Variants in ATE1 observed in about 807,000 individuals in gnomAD.
The protein encoded by ATE1 is arginyltransferase 1, also known as arginyl-tRNA--protein transferase 1.
A neutral mutation model predicts 70.5 loss-of-function variants in ATE1; 36 were observed. That is an observed-to-expected ratio of 0.51 (90% CI 0.39 to 0.67). The LOEUF (loss-of-function observed/expected upper bound fraction) is 0.67, where lower values mean the gene tolerates loss of function less well. ATE1 is among the 30% of genes least tolerant of loss of function. The pLI is 0.00. For missense variants in ATE1, 593 were observed against 629.5 expected, an observed-to-expected ratio of 0.94 and a Z score of 0.62; for synonymous variants, 232 against 219.3, an observed-to-expected ratio of 1.06 and a Z score of -0.51.
At chr10:121,896,334 G>A (rs938002130) in intron 7 of ATE1, among the ~76,000 whole-genome samples, 5 of 152,190 alleles carry the variant, frequency 3.3e-5, no homozygotes, top group African/African-American at 1.2e-4. Context: ...AAAATGATAT[G>A]TCTGAGATTT....
intron 8 of ATE1, among the ~76,000 whole-genome samples, chr10:121,868,137 T>TA (rs776213584): frequency 1.9e-4 from 29 of 151,622 alleles, no homozygotes; most frequent in East Asian, 1.5e-3. Flanking sequence ...CTTGATAGGT[T>TA]AAAAAAAAAT....
chr10:121,766,121 T>C lies in ATE1; in HGVS notation c.1379-22263A>G, dbSNP rs561421363. On this transcript the variant is annotated intron_variant, in intron 11 of 11. Transcript: ENST00000224652. ...CTGGAAGTTATTATAGTAAGCAGTA[T>C]TAGAAGGATACAAATAAGCCTTTTG... Among the ~76,000 whole-genome samples the C allele has an allele frequency of 9.2e-5, 14 of 152,350 alleles. No homozygotes were observed. The East Asian group carries it at 2.5e-3, about 27-fold the overall frequency.
At chr10:121,898,175 A>G (rs1950849454) in intron 7 of ATE1, among the ~76,000 whole-genome samples, 2 of 152,008 alleles carry the variant, frequency 1.3e-5, no homozygotes, top group Non-Finnish European at 2.9e-5. Context: ...ACCCTCAATA[A>G]ACGCCCGTTA....
At position 121,864,051 on chromosome 10, in the gene ATE1, G is replaced by T. The variant is rs138414950; in HGVS notation, c.975+5955C>A. Among the ~76,000 whole-genome samples, 8 of 152,256 alleles carry T rather than the reference G, an allele frequency of 5.3e-5. No individual in the cohort carries two copies. The East Asian group carries it at 1.5e-3, about 29-fold the overall frequency. ...ACTTTTAATTGGAATGTTCCAATCT[G>T]CCCTAATAGTATAGTCACTAGCCAC... is the stretch of plus-strand genomic sequence containing the variant. On this transcript the variant is annotated intron_variant, in intron 8 of 11. Coordinates refer to ENST00000224652, the MANE Select transcript of ATE1 (RefSeq NM_001001976.3).
chr10:121,817,978 C>T (rs1425086318), intron 10 of ATE1, among the ~76,000 whole-genome samples: 13 of 151,984 alleles, frequency 8.6e-5, no homozygotes, highest in African/African-American at 3.1e-4. Context: ...TAATTTGATT[C>T]TTGATGAAAG....
At chr10:121,874,748 G>A (rs1949977223) in intron 7 of ATE1, among the ~76,000 whole-genome samples, 1 of 152,190 alleles carries the variant, frequency 6.6e-6, no homozygotes, top group Non-Finnish European at 1.5e-5. Context: ...GTTCACACCT[G>A]TAATCCCAGC....
chr10:121,911,057 A>G lies in ATE1; in HGVS notation c.432T>C (p.Ser144=), dbSNP rs1486642816. Reference sequence around the variant, plus strand: ...TCTCTAAACTCTCTTTGATGTCATCACTGAGTGTTTTAAGATCACACTGTA... The same window carrying G: ...TCTCTAAACTCTCTTTGATGTCATCGCTGAGTGTTTTAAGATCACACTGTA... ...LDIQCDLKTL[S]DDIKESLESE... The change falls in exon 5 of 12, where the codon AGT becomes AGC. Residue 144 remains serine, a synonymous_variant. Coordinates refer to ENST00000224652, the MANE Select transcript of ATE1 (RefSeq NM_001001976.3). 6.2e-7 allele frequency: 1 copy of G among 1,613,528 alleles called. No individual in the cohort carries two copies. Among genetic ancestry groups the G allele is most frequent in the Admixed American group, 1.7e-5 (1 of 59,826 alleles).
intron 7 of ATE1, among the ~76,000 whole-genome samples, chr10:121,892,539 C>T (rs774880489): frequency 6.9e-6 from 1 of 144,684 alleles, no homozygotes; most frequent in Non-Finnish European, 1.5e-5. Context: ...TCCCTCTTGT[C>T]GCCCTCGCCA....
chr10:121,834,393 A>G (rs1948358102), intron 10 of ATE1, among the ~76,000 whole-genome samples: 1 of 152,198 alleles, frequency 6.6e-6, no homozygotes, highest in Non-Finnish European at 1.5e-5. Context: ...AAAGTAAACC[A>G]GAAGGCAAGC....
chr10:121,842,413 T>A, intron 8 of ATE1, among the ~76,000 whole-genome samples: 1 of 152,100 alleles, frequency 6.6e-6, no homozygotes, highest in Non-Finnish European at 1.5e-5. Context: ...ATACTACTTG[T>A]ACATCATTTT....
chr10:121,908,739 C>T lies in ATE1; in HGVS notation c.583+2167G>A, dbSNP rs577535090. On this transcript the variant is annotated intron_variant, in intron 5 of 11. Transcript: ENST00000224652. ...TCTAACACCCATGAAGTGATCTTGC[C>T]CATCCTCAAATAATTCAAACTCAAA... Among the ~76,000 whole-genome samples, 147 of 152,214 alleles carry T rather than the reference C, an allele frequency of 9.7e-4. 1 individual carries two copies. In the South Asian group the frequency reaches 0.012, roughly 12 times the overall value.
intron 7 of ATE1, among the ~76,000 whole-genome samples, chr10:121,890,022 G>A (rs1950527627): frequency 1.3e-5 from 2 of 152,166 alleles, no homozygotes; most frequent in South Asian, 4.1e-4. Context: ...GAAAGATAAA[G>A]TAAACCTAAC....
At chr10:121,813,021 G>C (rs1242379836) in intron 10 of ATE1, among the ~76,000 whole-genome samples, 1 of 152,126 alleles carries the variant, frequency 6.6e-6, no homozygotes, top group East Asian at 1.9e-4. Flanking sequence ...AAAATTCTCA[G>C]GGAAGAAAAC....
Position 121,790,906 on chromosome 10 carries a change from C to G in ATE1, c.1258-617G>C, listed in dbSNP as rs571449693. On this transcript the variant is annotated intron_variant, in intron 10 of 11. Coordinates refer to ENST00000224652, the MANE Select transcript of ATE1 (RefSeq NM_001001976.3). ...AATCCACTGAACTTTCTTCAAAAAT[C>G]CCACTTAAAATTCCATTTAAAAATT... 2.6e-5 allele frequency among the ~76,000 whole-genome samples: 4 copies of G among 151,692 alleles called. No individual in the cohort carries two copies. The South Asian group carries it at 8.3e-4, about 32-fold the overall frequency.
intron 10 of ATE1, among the ~76,000 whole-genome samples, chr10:121,819,679 C>CTAAA (rs1448101842): frequency 1.9e-5 from 1 of 52,724 alleles, no homozygotes; most frequent in Admixed American, 3.2e-4. Context: ...AAGACTGTCT[C>CTAAA]AAAAAAAAAA....
At chr10:121,841,003 C>T in intron 9 of ATE1, 79 bp downstream of exon 9, 1 of 1,238,362 alleles carries the variant, frequency 8.1e-7, no homozygotes, top group Non-Finnish European at 1.1e-6. Context: ...TCTACTGTTA[C>T]ATAATTAAAT....
chr10:121,778,637 A>T (rs10886982), intron 11 of ATE1, among the ~76,000 whole-genome samples: 139,290 of 147,272 alleles, frequency 0.95, 66,020 homozygotes, highest in Non-Finnish European at 0.98. Context: ...AGTTGATCTC[A>T]CTCTCTGGGC....
chr10:121,810,862 C>T (rs903341197), intron 10 of ATE1, among the ~76,000 whole-genome samples: 2 of 151,338 alleles, frequency 1.3e-5, no homozygotes, highest in African/African-American at 4.9e-5. Flanking sequence ...GCCAACATGC[C>T]CAGCTAATTT....
chr10:121,766,373 A>G (rs1945278325), intron 11 of ATE1, among the ~76,000 whole-genome samples: 1 of 152,162 alleles, frequency 6.6e-6, no homozygotes, highest in African/African-American at 2.4e-5. Flanking sequence ...AGGGAGACCT[A>G]CTTTTCCCTA....
Sources: gnomAD v4.1 joint callset for allele counts (sites outside exome capture counted in the v4.1 genomes callset) on GRCh38, gnomAD v4.1.1 for gene constraint, MANE v1.5 for transcripts, NCBI Gene and HGNC (gene_info 2026-07-23, HGNC 2026-07-21) for gene names.